The following BMP5 variants were observed in gnomAD, a reference collection of about 807,000 sequenced individuals.
BMP5 encodes the protein bone morphogenetic protein 5.
In BMP5, 23 loss-of-function variants were observed where a neutral mutation model predicts 46.6. That is an observed-to-expected ratio of 0.49 (90% CI 0.35 to 0.70). The LOEUF is 0.70. BMP5 is among the 30% of genes least tolerant of loss of function. The pLI is 0.00. For missense variants in BMP5, 545 were observed against 565.6 expected, an observed-to-expected ratio of 0.96 and a Z score of 0.37; for synonymous variants, 204 against 191.9, an observed-to-expected ratio of 1.06 and a Z score of -0.52.
chr6:55,814,738 C>T (rs1359694983), intron 2 of BMP5, among the ~76,000 whole-genome samples: 4 of 152,102 alleles, frequency 2.6e-5, no homozygotes, highest in Non-Finnish European at 4.4e-5. Context: ...CATTTTCTTA[C>T]AATGCAGAAT....
intron 1 of BMP5, among the ~76,000 whole-genome samples, chr6:55,855,981 A>T (rs1432723307): frequency 6.6e-6 from 1 of 152,184 alleles, no homozygotes; most frequent in African/African-American, 2.4e-5. Flanking sequence ...AGAATCGGTG[A>T]TCACCACCAC....
At chr6:55,818,943 T>TAGATAGATAGATAGATAGATAGAC (rs1554183645) in intron 2 of BMP5, among the ~76,000 whole-genome samples, 2 of 150,784 alleles carry the variant, frequency 1.3e-5, no homozygotes, top group African/African-American at 4.9e-5. Context: ...GATAGATAGA[T>TAGATAGATAGATAGATAGATAGAC]AGACAGACAG....
intron 1 of BMP5, among the ~76,000 whole-genome samples, chr6:55,847,081 A>C (rs925408736): frequency 4.0e-5 from 6 of 151,820 alleles, no homozygotes; most frequent in African/African-American, 1.4e-4. Context: ...CCATTATCTC[A>C]TAGACTAGGC....
At chr6:55,809,309 C>T (rs559824202) in intron 2 of BMP5, among the ~76,000 whole-genome samples, 68 of 152,204 alleles carry the variant, frequency 4.5e-4, no homozygotes, top group Middle Eastern at 3.4e-3. Context: ...GCATCCAACT[C>T]ATTATAGTCA....
At chr6:55,758,507 A>G (rs1774672417) in intron 6 of BMP5, among the ~76,000 whole-genome samples, 1 of 151,938 alleles carries the variant, frequency 6.6e-6, no homozygotes, top group African/African-American at 2.4e-5. Flanking sequence ...TACTTTAAAG[A>G]TTACAGGAGG....
intron 1 of BMP5, among the ~76,000 whole-genome samples, chr6:55,845,376 A>C (rs890608741): frequency 6.6e-6 from 1 of 151,884 alleles, no homozygotes; most frequent in African/African-American, 2.4e-5. Flanking sequence ...CCTGGAACCT[A>C]CAATGGGTCT....
At chr6:55,840,829 T>C (rs1330373895) in intron 1 of BMP5, among the ~76,000 whole-genome samples, 1 of 152,248 alleles carries the variant, frequency 6.6e-6, no homozygotes, top group Non-Finnish European at 1.5e-5. Flanking sequence ...TTAAAGATGA[T>C]GTAACTAGCT....
chr6:55,805,224 T>C (rs1775959762), intron 2 of BMP5, among the ~76,000 whole-genome samples: 2 of 152,162 alleles, frequency 1.3e-5, no homozygotes, highest in Non-Finnish European at 2.9e-5. Context: ...GACTCACAGA[T>C]ACTTGATTTT....
chr6:55,775,499 T>G (rs181632118), intron 3 of BMP5, among the ~76,000 whole-genome samples: 1 of 151,996 alleles, frequency 6.6e-6, no homozygotes, highest in Non-Finnish European at 1.5e-5. Flanking sequence ...TGGTTAAGAA[T>G]TATGTATATC....
At chr6:55,834,838 T>C (rs1035543139) in intron 1 of BMP5, among the ~76,000 whole-genome samples, 22 of 152,234 alleles carry the variant, frequency 1.4e-4, no homozygotes, top group African/African-American at 5.1e-4. Flanking sequence ...CCCAGCACTT[T>C]GGGAAGTTGA....
intron 1 of BMP5, among the ~76,000 whole-genome samples, chr6:55,827,049 C>A (rs2127540970): frequency 6.6e-6 from 1 of 151,890 alleles, no homozygotes; most frequent in East Asian, 1.9e-4. Context: ...CTCTCTCCTC[C>A]TATGCATTTA....
chr6:55,761,599 C>T (rs59831864), intron 4 of BMP5, among the ~76,000 whole-genome samples: 10,986 of 152,052 alleles, frequency 0.072, 468 homozygotes, highest in South Asian at 0.12. Flanking sequence ...TCTCACTAGT[C>T]CCTCTCCCTG....
chr6:55,785,756 A>G (rs1562037029), intron 3 of BMP5, among the ~76,000 whole-genome samples: 1 of 151,118 alleles, frequency 6.6e-6, no homozygotes, highest in East Asian at 1.9e-4. Context: ...GCAAAAAAAA[A>G]AAAATTTTTT....
chr6:55,838,730 TAAAAA>T (rs916562559), intron 1 of BMP5, among the ~76,000 whole-genome samples: 1 of 152,208 alleles, frequency 6.6e-6, no homozygotes, highest in Non-Finnish European at 1.5e-5. Context: ...CCTTATCATT[TAAAAA>T]ATCTATCCTA....
chr6:55,842,143 G>A (rs1488307984), intron 1 of BMP5, among the ~76,000 whole-genome samples: 1 of 152,136 alleles, frequency 6.6e-6, no homozygotes, highest in Admixed American at 6.5e-5. Flanking sequence ...GTTGAGGTTT[G>A]TTCTGGAAGA....
At position 55,772,448 on chromosome 6, in the gene BMP5, G is replaced by A. The variant is rs565881054; in HGVS notation, c.1027+1601C>T. Reference sequence around the variant, plus strand: ...CAAAATTATTTACTATTCTATTCAAGGTTTAGCAAAACTTTTTCTTAATAC... The same window carrying A: ...CAAAATTATTTACTATTCTATTCAAAGTTTAGCAAAACTTTTTCTTAATAC... On this transcript the variant is annotated intron_variant, in intron 4 of 6. Coordinates refer to ENST00000370830, the MANE Select transcript of BMP5 (RefSeq NM_021073.4). Among the ~76,000 whole-genome samples the A allele has an allele frequency of 3.2e-4, 48 of 151,770 alleles. No individual in the cohort carries two copies. In the South Asian group the frequency reaches 3.5e-3, roughly 11 times the overall value.
intron 3 of BMP5, among the ~76,000 whole-genome samples, chr6:55,792,051 T>C (rs1043696823): frequency 6.6e-6 from 1 of 152,208 alleles, no homozygotes; most frequent in Non-Finnish European, 1.5e-5. Context: ...GCTTGAACTC[T>C]GAGGATCCTT....
rs2127515716 is a variant in BMP5, at chr6:55,760,442, A to G, written c.1104+15T>C. On this transcript the variant is annotated intron_variant, in intron 5 of 6. Transcript: ENST00000370830. ...ATTCAGAAAAGAAGCACCAAAGTTG[A>G]CTGAAAATTCCTACCTGCCATCCCA... is the stretch of plus-strand genomic sequence containing the variant. 6.2e-7 allele frequency: 1 copy of G among 1,611,390 alleles called. No individual in the cohort carries two copies. The highest frequency in any genetic ancestry group is 8.5e-7 in the Non-Finnish European group (1 of 1,177,812).
chr6:55,860,004 G>A (rs1334153915), intron 1 of BMP5, among the ~76,000 whole-genome samples: 1 of 152,180 alleles, frequency 6.6e-6, no homozygotes, highest in African/African-American at 2.4e-5. Flanking sequence ...GAAATGTTTT[G>A]GTGGCTCATG....
Sources: gnomAD v4.1 joint callset for allele counts (sites outside exome capture counted in the v4.1 genomes callset) on GRCh38, gnomAD v4.1.1 for gene constraint, MANE v1.5 for transcripts, NCBI Gene and HGNC (gene_info 2026-07-23, HGNC 2026-07-21) for gene names.